RAB38: variants seen among roughly 807,000 people sequenced by gnomAD.
The protein encoded by RAB38 is ras-related protein Rab-38.
Under a neutral mutation model 18.4 loss-of-function variants are expected in RAB38, and 15 were observed. The ratio of observed to expected loss-of-function variants is 0.82; its 90% CI spans 0.55 to 1.26. RAB38 has a LOEUF of 1.26. Among genes scored for constraint, RAB38 ranks in the 50% most tolerant of loss-of-function variants. The probability of loss-of-function intolerance (pLI) is 0.00; values close to 1 mark genes in which losing one functional copy is unlikely to be tolerated. For synonymous variants in RAB38, 101 were observed against 104.4 expected (o/e 0.97, Z 0.20); for missense variants, 294 against 267.4 (o/e 1.10, Z -0.69).
At chr11:88,132,251 T>C (rs1308314100) in intron 2 of RAB38, among the ~76,000 whole-genome samples, 1 of 152,214 alleles carries the variant, frequency 6.6e-6, no homozygotes, top group African/African-American at 2.4e-5. Context: ...GCCCTCATCT[T>C]ATAACCATAA....
At chr11:88,024,819 A>G in the RAB38 span, among the ~76,000 whole-genome samples, 1 of 152,158 alleles carries the variant, frequency 6.6e-6, no homozygotes, top group Non-Finnish European at 1.5e-5. Flanking sequence ...AAACGATTGA[A>G]CTCATGGAGA....
chr11:87,977,107 T>TAATTATATTATACAAGTATATTATAA, the RAB38 span, among the ~76,000 whole-genome samples: 4 of 9,826 alleles, frequency 4.1e-4, 1 homozygote, highest in South Asian at 3.1e-3. Flanking sequence ...TTATAAAATA[T>TAATTATATTATACAAGTATATTATAA]AATTATATTA....
the RAB38 span, among the ~76,000 whole-genome samples, chr11:87,911,033 A>G: frequency 2.9e-4 from 44 of 152,066 alleles, no homozygotes; most frequent in African/African-American, 9.9e-4. Context: ...TGAAAAGACT[A>G]TCTTTTCTCA....
chr11:87,862,062 A>G, the RAB38 span, among the ~76,000 whole-genome samples: 92 of 152,008 alleles, frequency 6.1e-4, no homozygotes, highest in Non-Finnish European at 1.2e-3. Flanking sequence ...CACACTGTTG[A>G]TGGGAATGTA....
chr11:87,830,342 A>G, the RAB38 span, among the ~76,000 whole-genome samples: 2 of 152,024 alleles, frequency 1.3e-5, no homozygotes, highest in East Asian at 3.9e-4. Context: ...TTAGCTGGAC[A>G]TGGTGCCGTG....
intron 2 of RAB38, among the ~76,000 whole-genome samples, chr11:88,138,847 A>C (rs1240177614): frequency 1.3e-5 from 2 of 150,160 alleles, no homozygotes; most frequent in African/African-American, 4.9e-5. Flanking sequence ...CAATGGCGCG[A>C]TCTCGGCTCC....
chr11:87,894,385 A>C, the RAB38 span, among the ~76,000 whole-genome samples: 1 of 151,714 alleles, frequency 6.6e-6, no homozygotes, highest in East Asian at 2.0e-4. Context: ...AGCCTTTTTA[A>C]GGATAATGAT....
chr11:87,865,686 G>A, the RAB38 span, among the ~76,000 whole-genome samples: 12 of 151,598 alleles, frequency 7.9e-5, no homozygotes, highest in African/African-American at 2.7e-4. Context: ...GAAGAAAAGA[G>A]AAGGTAGAGA....
At chr11:88,066,503 T>C in the RAB38 span, among the ~76,000 whole-genome samples, 1 of 152,328 alleles carries the variant, frequency 6.6e-6, no homozygotes, top group South Asian at 2.1e-4. Context: ...CTGCTCTGCC[T>C]CAATCTATGT....
the RAB38 span, among the ~76,000 whole-genome samples, chr11:87,842,500 T>C: frequency 6.6e-6 from 1 of 152,156 alleles, no homozygotes. Context: ...TCGTTGTACT[T>C]GAGCATCTCA....
At chr11:87,810,143 C>T in the RAB38 span, among the ~76,000 whole-genome samples, 2 of 152,088 alleles carry the variant, frequency 1.3e-5, no homozygotes, top group Non-Finnish European at 2.9e-5. Flanking sequence ...GGAAAGTAGA[C>T]TTTACTTTTT....
the RAB38 span, among the ~76,000 whole-genome samples, chr11:87,830,979 A>G: frequency 1.3e-5 from 2 of 151,956 alleles, no homozygotes; most frequent in Admixed American, 6.6e-5. Context: ...TTGTATGTAC[A>G]TATTTTTGAT....
At chr11:87,959,977 G>A in the RAB38 span, among the ~76,000 whole-genome samples, 1 of 152,130 alleles carries the variant, frequency 6.6e-6, no homozygotes, top group Non-Finnish European at 1.5e-5. Flanking sequence ...CATTCATGTA[G>A]CTTAGCCTAT....
the RAB38 span, among the ~76,000 whole-genome samples, chr11:87,976,093 T>A: frequency 2.0e-5 from 3 of 149,888 alleles, no homozygotes; most frequent in African/African-American, 7.3e-5. Flanking sequence ...AAAAGTCTGG[T>A]ATATGTACAT....
At chr11:87,868,252 C>G in the RAB38 span, among the ~76,000 whole-genome samples, 5 of 151,498 alleles carry the variant, frequency 3.3e-5, no homozygotes, top group African/African-American at 1.2e-4. Flanking sequence ...CCCACAAGAG[C>G]TGTTGTTAAA....
chr11:88,104,777 T>C, the RAB38 span, among the ~76,000 whole-genome samples: 2 of 152,178 alleles, frequency 1.3e-5, no homozygotes, highest in African/African-American at 4.8e-5. Flanking sequence ...GTAATTCTTT[T>C]TGTGGTTAGG....
At chr11:87,859,171 T>A in the RAB38 span, among the ~76,000 whole-genome samples, 1 of 151,714 alleles carries the variant, frequency 6.6e-6, no homozygotes, top group Admixed American at 6.6e-5. Context: ...TAAAATAAAA[T>A]TTTAAAAATA....
intron 1 of RAB38, among the ~76,000 whole-genome samples, chr11:88,163,245 T>G (rs1392191855): frequency 6.6e-6 from 1 of 152,166 alleles, no homozygotes; most frequent in Non-Finnish European, 1.5e-5. Flanking sequence ...ATGCTCACAA[T>G]GCACTTCCAG....
the RAB38 span, among the ~76,000 whole-genome samples, chr11:87,959,868 A>G: frequency 9.2e-5 from 14 of 152,294 alleles, no homozygotes; most frequent in South Asian, 2.3e-3. Flanking sequence ...ATGACCTTGT[A>G]GAAAAGAGCC....
Sources: gnomAD v4.1 joint callset for allele counts (sites outside exome capture counted in the v4.1 genomes callset) on GRCh38, gnomAD v4.1.1 for gene constraint, MANE v1.5 for transcripts, NCBI Gene and HGNC (gene_info 2026-07-23, HGNC 2026-07-21) for gene names.